Variants in P2RX7 observed in about 807,000 individuals in gnomAD.
P2RX7 encodes the protein purinergic receptor P2X 7, also known as P2X purinoceptor 7.
A neutral mutation model predicts 71.6 loss-of-function variants in P2RX7; 62 were observed. That is an observed-to-expected ratio of 0.87 (90% CI 0.71 to 1.07). The LOEUF is 1.07. P2RX7 is among the 50% of genes least tolerant of loss of function. The pLI is 0.00. For synonymous variants in P2RX7, 299 were observed against 283.3 expected (o/e 1.06, Z -0.56); for missense variants, 686 against 748.5 (o/e 0.92, Z 0.97).
intron 11 of P2RX7, among the ~76,000 whole-genome samples, chr12:121,178,791 CAAAAAAA>C (rs386377968): frequency 2.4e-4 from 16 of 66,522 alleles, no homozygotes; most frequent in African/African-American, 6.6e-4. Context: ...AACTCTGTCT[CAAAAAAA>C]AAAAAAAAAA....
chr12:121,148,334 C>A lies in P2RX7; in HGVS notation c.126-6451C>A, dbSNP rs142701892. The stretch of plus-strand genomic sequence containing the variant: ...GGTTCAAACGATTCTCCCACCTCAG[C>A]CTCCCAAGTAGCTGGAATTATAGGC... On this transcript the variant is annotated intron_variant, in intron 1 of 12. Coordinates refer to ENST00000328963, the MANE Select transcript of P2RX7 (RefSeq NM_002562.6). Among the ~76,000 whole-genome samples, 3 of 151,962 alleles carry A rather than the reference C, an allele frequency of 2.0e-5. 1 individual carries two copies. The highest frequency in any genetic ancestry group is 7.2e-5 in the African/African-American group (3 of 41,422).
intron 1 of P2RX7, among the ~76,000 whole-genome samples, chr12:121,141,854 C>CATGA (rs1874959519): frequency 1.3e-5 from 2 of 151,854 alleles, no homozygotes; most frequent in Non-Finnish European, 1.5e-5. Flanking sequence ...CTGTGTTATG[C>CATGA]GTTCCACCAC....
At position 121,175,436 on chromosome 12, in the gene P2RX7, A is replaced by G; in HGVS notation, c.930A>G (p.Ile310Met). Residue 310 changes from isoleucine (I) to methionine (M), a missense_variant, in exon 9 of 13, where the codon ATA (isoleucine) becomes ATG (methionine). Coordinates refer to ENST00000328963, the MANE Select transcript of P2RX7 (RefSeq NM_002562.6). ...ACAATGTTGAGAAACGGACTCTGAT[A>G]AAAGTCTTCGGGATCCGTTTTGACA... Reference protein sequence around the residue: ...KENNVEKRTLIKVFGIRFDIL... With the variant: ...KENNVEKRTLMKVFGIRFDIL... 6.3e-7 allele frequency: 1 copy of G among 1,594,220 alleles called. No individual in the cohort carries two copies. The highest frequency in any genetic ancestry group is 8.6e-7 in the Non-Finnish European group (1 of 1,161,846).
rs576954044 is a variant in P2RX7, at chr12:121,156,617, T to A, written c.363+470T>A. Among the ~76,000 whole-genome samples, 5 of 152,278 alleles carry A rather than the reference T, an allele frequency of 3.3e-5. No homozygotes were observed. The East Asian group carries it at 7.7e-4, about 24-fold the overall frequency. On this transcript the variant is annotated intron_variant, in intron 3 of 12. Coordinates refer to ENST00000328963, the MANE Select transcript of P2RX7 (RefSeq NM_002562.6). ...CAGAGCCAGGGTTAGGACCTGAGTG[T>A]CCTCACTCACAGCTTCTCCTACCAT...
At chr12:121,176,037 C>T (rs1001373334) in intron 9 of P2RX7, among the ~76,000 whole-genome samples, 1 of 152,134 alleles carries the variant, frequency 6.6e-6, no homozygotes, top group Non-Finnish European at 1.5e-5. Flanking sequence ...AAAGAAAACA[C>T]CTCTTTGCCA....
chr12:121,143,025 G>A (rs978070382), intron 1 of P2RX7, among the ~76,000 whole-genome samples: 5 of 151,150 alleles, frequency 3.3e-5, no homozygotes, highest in African/African-American at 1.2e-4. Flanking sequence ...AGACTGCAGT[G>A]AGCCAAGATT....
Position 121,188,007 on chromosome 12 carries a change from A to C in P2RX7, c.*3205A>C, listed in dbSNP as rs1252345955. The C allele has an allele frequency of 1.3e-5, 2 of 152,152 alleles. No individual in the cohort carries two copies. The highest frequency in any genetic ancestry group is 2.9e-5 in the Non-Finnish European group (2 of 68,036). 9.4% of individuals were successfully genotyped at this position (152,152 alleles called of 1,614,324 possible). A position where few individuals can be genotyped will look rare whatever the true frequency, so the allele number is the denominator to read the frequency against. ...AAGTGTCCTTAATGTGACTGTTTTG[A>C]TAATTAAAAAAAGGTATATAATTTA... On this transcript the variant is annotated 3_prime_UTR_variant, in exon 13 of 13. Transcript: ENST00000328963.
chr12:121,162,160 C>A, intron 4 of P2RX7: 1 of 1,129,742 alleles, frequency 8.9e-7, no homozygotes, highest in Non-Finnish European at 1.1e-6. Context: ...TCATGGGCAC[C>A]TTTTCTTATA....
In P2RX7 at chr12:121,139,232, G is replaced by C. The variant is rs115264225; in HGVS notation, c.125+6137G>C. Among the ~76,000 whole-genome samples the C allele has an allele frequency of 4.2e-3, 634 of 152,264 alleles. 6 individuals are homozygous for C. The highest frequency in any genetic ancestry group is 0.015 in the African/African-American group (617 of 41,552). ...GCTGAAATTACAGGCGTGAGCCACC[G>C]CACCCGGCTGGATAATTCTTTAGAT... On this transcript the variant is annotated intron_variant, in intron 1 of 12. Coordinates refer to ENST00000328963, the MANE Select transcript of P2RX7 (RefSeq NM_002562.6).
intron 8 of P2RX7, among the ~76,000 whole-genome samples, chr12:121,170,346 CAA>C (rs1157309421): frequency 6.6e-6 from 1 of 152,132 alleles, no homozygotes; most frequent in Non-Finnish European, 1.5e-5. Flanking sequence ...GAGTTGAGCA[CAA>C]AAACATCTGC....
chr12:121,141,874 G>T (rs1874967271), intron 1 of P2RX7, among the ~76,000 whole-genome samples: 1 of 152,136 alleles, frequency 6.6e-6, no homozygotes, highest in South Asian at 2.1e-4. Context: ...CACAATCCAT[G>T]TCACAGCTGA....
At chr12:121,183,087 G>T (rs1884393160) in intron 12 of P2RX7, among the ~76,000 whole-genome samples, 1 of 151,740 alleles carries the variant, frequency 6.6e-6, no homozygotes, top group African/African-American at 2.4e-5. Flanking sequence ...TGAGGCAGGA[G>T]AATGGCGTGA....
rs200133565 is a variant in P2RX7 at position 121,165,378 on chromosome 12, C to T, written c.555C>T (p.Ala185=). The change falls in exon 6 of 13, where the codon GCC becomes GCT. Residue 185 remains alanine, a synonymous_variant. Transcript: ENST00000328963. ...EAPRPALLNS[A]ENFTVLIKNN... ...CCAGGCCTGCTCTCTTGAACAGTGCCGAAAACTTCACTGTGCTCATCAAGA... is the reference window on the plus strand; with the variant it reads ...CCAGGCCTGCTCTCTTGAACAGTGCTGAAAACTTCACTGTGCTCATCAAGA... 32 of 1,613,882 alleles carry T rather than the reference C, an allele frequency of 2.0e-5. No homozygotes were observed. The highest frequency in any genetic ancestry group is 4.5e-5 in the East Asian group (2 of 44,894).
Position 121,180,456 on chromosome 12 carries a change from G to A in P2RX7, c.1290+1G>A. On this transcript the variant is annotated splice_donor_variant, in intron 12 of 12. Coordinates refer to ENST00000328963, the MANE Select transcript of P2RX7 (RefSeq NM_002562.6). LOFTEE classifies it high-confidence loss of function. The stretch of plus-strand genomic sequence containing the variant: ...AGATGTCAAGGGCCAAGAAGTCCCA[G>A]TAAGTTAAATCATTTTGTCTTTTTT... 2 of 1,463,162 alleles carry A rather than the reference G, an allele frequency of 1.4e-6. No homozygotes were observed. The highest frequency in any genetic ancestry group is 1.9e-6 in the Non-Finnish European group (2 of 1,068,362). The allele number at this position is 1,463,162 out of a possible 1,614,324, so 90.6% of individuals were successfully genotyped here.
intron 2 of P2RX7, 32 bp from the exon 3 acceptor site, chr12:121,156,047 C>T (rs1373724698): frequency 1.3e-6 from 2 of 1,584,222 alleles, no homozygotes; most frequent in Non-Finnish European, 1.7e-6. Context: ...TTTCAAAGGC[C>T]TTGCATTTTC....
chr12:121,158,338 T>G (rs1335177534), intron 3 of P2RX7, among the ~76,000 whole-genome samples: 1 of 152,140 alleles, frequency 6.6e-6, no homozygotes, highest in African/African-American at 2.4e-5. Flanking sequence ...AGATGGCAGC[T>G]GGGGTTGGCA....
intron 1 of P2RX7, among the ~76,000 whole-genome samples, chr12:121,151,698 T>C (rs1877439492): frequency 6.6e-6 from 1 of 152,134 alleles, no homozygotes; most frequent in Middle Eastern, 3.2e-3. Flanking sequence ...TTCATAGTAC[T>C]GTGCAACCAC....
At chr12:121,165,221 TAG>T in intron 5 of P2RX7, 134 bp from the exon 6 acceptor site, 2 of 649,602 alleles carry the variant, frequency 3.1e-6, no homozygotes, top group South Asian at 3.9e-5. Flanking sequence ...CTTTGCCCAC[TAG>T]GTTTGCTGTA....
intron 1 of P2RX7, among the ~76,000 whole-genome samples, chr12:121,142,444 C>T (rs1278091502): frequency 6.6e-6 from 1 of 152,186 alleles, no homozygotes; most frequent in African/African-American, 2.4e-5. Flanking sequence ...CTTCAAATCT[C>T]TGACTTCTCT....
Sources: gnomAD v4.1 joint callset for allele counts (sites outside exome capture counted in the v4.1 genomes callset) on GRCh38, gnomAD v4.1.1 for gene constraint, MANE v1.5 for transcripts, NCBI Gene and HGNC (gene_info 2026-07-23, HGNC 2026-07-21) for gene names.